Variants in NCOA7 observed in about 807,000 individuals in gnomAD.
The protein encoded by NCOA7 is 140 kDa estrogen receptor-associated protein.
In NCOA7, 45 loss-of-function variants were observed where a neutral mutation model predicts 104.3. The observed-to-expected ratio is 0.43, with a 90% CI of 0.34 to 0.55. The LOEUF is 0.55. Ranked by LOEUF, NCOA7 falls within the 20% of genes least tolerant of loss-of-function variation. NCOA7 has a pLI of 0.02. For missense variants in NCOA7, 1,041 were observed against 1,119.7 expected, an observed-to-expected ratio of 0.93 and a Z score of 1.00; for synonymous variants, 398 against 402.3, an observed-to-expected ratio of 0.99 and a Z score of 0.13.
intron 2 of NCOA7, among the ~76,000 whole-genome samples, chr6:125,832,099 T>G (rs1340645755): frequency 6.6e-6 from 1 of 152,244 alleles, no homozygotes; most frequent in South Asian, 2.1e-4. Flanking sequence ...TTATCTGCTC[T>G]ATACTTCTTC....
At chr6:125,913,639 A>G (rs902131029) in intron 10 of NCOA7, 3 of 983,856 alleles carry the variant, frequency 3.0e-6, no homozygotes, top group African/African-American at 3.5e-5. Flanking sequence ...ACAACAGTCC[A>G]TGTTTTGAAG....
chr6:125,919,060 C>T (rs1330417997), intron 11 of NCOA7, among the ~76,000 whole-genome samples: 1 of 152,020 alleles, frequency 6.6e-6, no homozygotes, highest in Non-Finnish European at 1.5e-5. Context: ...AAAAAATGAA[C>T]AATGGGGTTT....
chr6:125,782,044 A>G (rs975682803), intron 1 of NCOA7, among the ~76,000 whole-genome samples: 7 of 152,218 alleles, frequency 4.6e-5, no homozygotes, highest in African/African-American at 1.7e-4. Flanking sequence ...CAGGATCCAC[A>G]CTGTATGTTT....
intron 3 of NCOA7, among the ~76,000 whole-genome samples, chr6:125,860,536 C>A (rs535624972): frequency 6.6e-6 from 1 of 152,052 alleles, no homozygotes; most frequent in Non-Finnish European, 1.5e-5. Context: ...TTAGTAGAGA[C>A]GGGGTTTCAC....
intron 5 of NCOA7, among the ~76,000 whole-genome samples, chr6:125,879,185 A>G (rs1353787755): frequency 1.3e-5 from 2 of 152,242 alleles, no homozygotes; most frequent in Non-Finnish European, 2.9e-5. Context: ...ACAGAACTCT[A>G]AACTTTGGCA....
intron 1 of NCOA7, among the ~76,000 whole-genome samples, chr6:125,810,714 A>T (rs1583269750): frequency 6.6e-6 from 1 of 152,306 alleles, no homozygotes; most frequent in African/African-American, 2.4e-5. Flanking sequence ...AATCATTTTT[A>T]TAGCATTCTC....
At chr6:125,822,794 G>A (rs963356149) in intron 2 of NCOA7, among the ~76,000 whole-genome samples, 1 of 151,956 alleles carries the variant, frequency 6.6e-6, no homozygotes, top group Non-Finnish European at 1.5e-5. Flanking sequence ...AATTAGCTGG[G>A]CATGGTGGCA....
At chr6:125,886,473 A>T (rs1043041133) in intron 8 of NCOA7, among the ~76,000 whole-genome samples, 2 of 152,238 alleles carry the variant, frequency 1.3e-5, no homozygotes, top group Non-Finnish European at 2.9e-5. Context: ...GTACATCTTT[A>T]TATAAAAACT....
chr6:125,803,038 A>G (rs918257737), intron 1 of NCOA7, among the ~76,000 whole-genome samples: 2 of 152,216 alleles, frequency 1.3e-5, no homozygotes, highest in Admixed American at 6.5e-5. Context: ...TTACCAAGAC[A>G]TCTGAGGCAG....
chr6:125,831,496 TC>T (rs958770955), intron 2 of NCOA7, among the ~76,000 whole-genome samples: 8 of 152,002 alleles, frequency 5.3e-5, no homozygotes. Context: ...TTTTTTTTTT[TC>T]CTACTTCCAA....
chr6:125,870,877 C>G (rs796389478), intron 3 of NCOA7, among the ~76,000 whole-genome samples: 4 of 152,160 alleles, frequency 2.6e-5, no homozygotes, highest in Non-Finnish European at 5.9e-5. Flanking sequence ...CACAGGTACC[C>G]CATTCTTCCT....
At chr6:125,865,839 TTTTC>T (rs568498594) in intron 3 of NCOA7, among the ~76,000 whole-genome samples, 2 of 133,930 alleles carry the variant, frequency 1.5e-5, no homozygotes, top group Non-Finnish European at 1.6e-5. Context: ...AATTTTTATA[TTTTC>T]TTTCTTTCTT....
intron 1 of NCOA7, among the ~76,000 whole-genome samples, chr6:125,795,356 G>T (rs968723912): frequency 6.6e-6 from 1 of 152,104 alleles, no homozygotes; most frequent in Non-Finnish European, 1.5e-5. Context: ...TTTAGAATAG[G>T]TAGTATCCTC....
chr6:125,919,237 A>T, intron 11 of NCOA7: 8 of 1,600,572 alleles, frequency 5.0e-6, no homozygotes, highest in Non-Finnish European at 6.8e-6. Flanking sequence ...CATGCAGGAA[A>T]CTAGATACTG....
intron 13 of NCOA7, 120 bp from the exon 14 acceptor site, chr6:125,927,542 AT>A: frequency 1.4e-6 from 1 of 733,898 alleles, no homozygotes; most frequent in Non-Finnish European, 2.3e-6. Context: ...TTGAGTGCCA[AT>A]TTAGTAATAA....
intron 2 of NCOA7, among the ~76,000 whole-genome samples, chr6:125,834,011 A>AT (rs1365293659): frequency 2.0e-5 from 3 of 152,122 alleles, no homozygotes; most frequent in Non-Finnish European, 2.9e-5. Context: ...AGCTTTTATT[A>AT]TTTTTTTAAA....
At chr6:125,877,412 T>C (rs1251749922) in intron 4 of NCOA7, among the ~76,000 whole-genome samples, 1 of 152,180 alleles carries the variant, frequency 6.6e-6, no homozygotes, top group Non-Finnish European at 1.5e-5. Flanking sequence ...GGGCTATCAA[T>C]TGGAACTTCT....
At chr6:125,829,717 A>G (rs992573740) in intron 2 of NCOA7, among the ~76,000 whole-genome samples, 1 of 152,206 alleles carries the variant, frequency 6.6e-6, no homozygotes, top group African/African-American at 2.4e-5. Context: ...CTTTAGCTGT[A>G]TAGTCATATC....
In NCOA7 at chr6:125,870,231, C is replaced by CAG. The variant is rs1177566658; in HGVS notation, c.272-4657_272-4656dup. Among the ~76,000 whole-genome samples the CAG allele has an allele frequency of 2.0e-5, 3 of 152,224 alleles. No homozygotes were observed. The East Asian group carries it at 5.8e-4, about 29-fold the overall frequency. On this transcript the variant is annotated intron_variant, in intron 3 of 15. Transcript: ENST00000392477. ...CCAAATCTCATTACTCTTACTCCCT[C>CAG]AGTCCTGTCTTTAGTCCACTACATT...
Sources: allele counts gnomAD v4.1 joint callset (sites outside exome capture counted in the v4.1 genomes callset), GRCh38; gene constraint gnomAD v4.1.1; transcripts MANE v1.5; gene names NCBI Gene and HGNC (gene_info 2026-07-23, HGNC 2026-07-21).